The following GALNTL6 variants were observed in gnomAD, a reference collection of about 807,000 sequenced individuals.
GALNTL6 encodes the protein polypeptide N-acetylgalactosaminyltransferase-like 6.
In GALNTL6, 46 loss-of-function variants were observed where a neutral mutation model predicts 73.7. That is an observed-to-expected ratio of 0.62 (90% CI 0.49 to 0.80). The LOEUF (loss-of-function observed/expected upper bound fraction) is 0.80. GALNTL6 is among the 30% of genes least tolerant of loss of function. The pLI, the probability that GALNTL6 is intolerant of heterozygous loss-of-function variation, is 0.00. For missense variants in GALNTL6, 604 were observed against 755.0 expected, an observed-to-expected ratio of 0.80 and a Z score of 2.34; for synonymous variants, 259 against 263.7, an observed-to-expected ratio of 0.98 and a Z score of 0.17.
At chr4:172,199,593 G>A (rs567291862) in intron 2 of GALNTL6, among the ~76,000 whole-genome samples, 1 of 152,230 alleles carries the variant, frequency 6.6e-6, no homozygotes, top group African/African-American at 2.4e-5. Flanking sequence ...CACAACACAG[G>A]CATTGAATCA....
intron 2 of GALNTL6, among the ~76,000 whole-genome samples, chr4:172,138,622 C>T (rs1200623625): frequency 3.6e-5 from 5 of 140,734 alleles, no homozygotes; most frequent in South Asian, 4.8e-4. Flanking sequence ...CTCCACCTCC[C>T]GGGTTCACGC....
chr4:172,384,969 TTGTGTGTG>T (rs71655291), intron 5 of GALNTL6, among the ~76,000 whole-genome samples: 5 of 145,386 alleles, frequency 3.4e-5, no homozygotes, highest in African/African-American at 7.6e-5. Flanking sequence ...TGTTGTAATT[TTGTGTGTG>T]TGTGTGTGTG....
At chr4:172,223,965 A>G (rs967717754) in intron 2 of GALNTL6, among the ~76,000 whole-genome samples, 1 of 152,158 alleles carries the variant, frequency 6.6e-6, no homozygotes, top group Non-Finnish European at 1.5e-5. Context: ...CATGCCTAAT[A>G]CAAGAATCAT....
At chr4:172,043,119 C>T (rs1274297710) in intron 2 of GALNTL6, among the ~76,000 whole-genome samples, 1 of 151,910 alleles carries the variant, frequency 6.6e-6, no homozygotes, top group East Asian at 1.9e-4. Flanking sequence ...AAGCTTGTTT[C>T]CTTCTGCGCA....
At chr4:172,658,736 T>A (rs923256793) in intron 5 of GALNTL6, among the ~76,000 whole-genome samples, 1 of 152,192 alleles carries the variant, frequency 6.6e-6, no homozygotes, top group Non-Finnish European at 1.5e-5. Context: ...TTTTGTTTTA[T>A]GTATAAATGA....
chr4:172,139,846 C>T (rs556703562), intron 2 of GALNTL6, among the ~76,000 whole-genome samples: 1 of 152,096 alleles, frequency 6.6e-6, no homozygotes, highest in African/African-American at 2.4e-5. Context: ...TTTTTAAAGC[C>T]ACTTTGTTGT....
intron 5 of GALNTL6, among the ~76,000 whole-genome samples, chr4:172,753,613 A>C (rs1298577492): frequency 1.3e-5 from 2 of 152,190 alleles, no homozygotes. Context: ...ACACAATTTG[A>C]AACAGAAAAA....
intron 2 of GALNTL6, among the ~76,000 whole-genome samples, chr4:172,174,020 G>A (rs1226446423): frequency 1.3e-5 from 2 of 152,158 alleles, no homozygotes; most frequent in Non-Finnish European, 2.9e-5. Context: ...ATTTTAAGCA[G>A]GAAAATAACT....
At chr4:172,339,677 C>T (rs1741492053) in intron 4 of GALNTL6, among the ~76,000 whole-genome samples, 2 of 152,182 alleles carry the variant, frequency 1.3e-5, no homozygotes. Flanking sequence ...AGCCTCTCCC[C>T]AAGTTAGCTC....
chr4:171,882,775 C>A (rs1736486937), intron 2 of GALNTL6, among the ~76,000 whole-genome samples: 1 of 152,198 alleles, frequency 6.6e-6, no homozygotes, highest in African/African-American at 2.4e-5. Flanking sequence ...TTTGGCAACA[C>A]CCTCACAGCC....
At chr4:172,755,853 C>A (rs35280724) in intron 5 of GALNTL6, among the ~76,000 whole-genome samples, 67,955 of 151,994 alleles carry the variant, frequency 0.45, 17,635 homozygotes, top group East Asian at 0.68. Context: ...CTTGAATTCA[C>A]CATATTCATT....
intron 2 of GALNTL6, among the ~76,000 whole-genome samples, chr4:171,912,044 AAT>A (rs1737489121): frequency 6.6e-6 from 1 of 152,138 alleles, no homozygotes; most frequent in African/African-American, 2.4e-5. Flanking sequence ...TCTTCTGCTT[AAT>A]CTTAAAAATA....
In GALNTL6 at chr4:172,813,696, A is replaced by G. The variant is rs1217796764; in HGVS notation, c.896A>G (p.Gln299Arg). The G allele has an allele frequency of 6.2e-7, 1 of 1,608,346 alleles. No individual in the cohort carries two copies. The highest frequency in any genetic ancestry group is 8.5e-7 in the Non-Finnish European group (1 of 1,175,668). ...AGAATCCCCATCCCTCCAGAGCTCC[A>G]GAGGGCAGATCCCAGCGACCCTTTT... Reference protein sequence around the residue: ...YKRIPIPPELQRADPSDPFES... With the variant: ...YKRIPIPPELRRADPSDPFES... The change falls in exon 7 of 13, where the codon CAG becomes CGG. Residue 299 changes from glutamine (Q) to arginine (R), a missense_variant. Transcript: ENST00000506823.
At chr4:172,378,675 G>C (rs1051094240) in intron 5 of GALNTL6, among the ~76,000 whole-genome samples, 1 of 151,734 alleles carries the variant, frequency 6.6e-6, no homozygotes, top group Non-Finnish European at 1.5e-5. Context: ...TTTTATCCTA[G>C]AACTTTAATG....
intron 2 of GALNTL6, among the ~76,000 whole-genome samples, chr4:171,904,989 A>G (rs1476759915): frequency 6.6e-6 from 1 of 152,194 alleles, no homozygotes. Context: ...CAGCTCCTGA[A>G]GGAAGCGCTA....
At chr4:172,631,787 A>T (rs1739407850) in intron 5 of GALNTL6, among the ~76,000 whole-genome samples, 1 of 152,252 alleles carries the variant, frequency 6.6e-6, no homozygotes, top group Non-Finnish European at 1.5e-5. Context: ...TAAAAGGGAT[A>T]GGTAATTTAA....
At chr4:172,787,079 G>A (rs966382693) in intron 5 of GALNTL6, among the ~76,000 whole-genome samples, 2 of 152,106 alleles carry the variant, frequency 1.3e-5, no homozygotes, top group Admixed American at 6.5e-5. Context: ...CTATTTTCCA[G>A]AGAAAGTAAA....
intron 12 of GALNTL6, among the ~76,000 whole-genome samples, chr4:173,032,758 G>A (rs1267962401): frequency 1.3e-5 from 2 of 152,068 alleles, no homozygotes; most frequent in Non-Finnish European, 2.9e-5. Flanking sequence ...TAAGAATTTA[G>A]CTAAGAGAGT....
At chr4:172,405,437 ATATATATTTTTTTTTTT>A (rs1342314295) in intron 5 of GALNTL6, among the ~76,000 whole-genome samples, 23 of 2,808 alleles carry the variant, frequency 8.2e-3, no homozygotes, top group Non-Finnish European at 0.012. Flanking sequence ...ATATATATAT[ATATATATTTTTTTTTTT>A]TTTTTTTTTT....
Sources: allele counts gnomAD v4.1 joint callset (sites outside exome capture counted in the v4.1 genomes callset), GRCh38; gene constraint gnomAD v4.1.1; transcripts MANE v1.5; gene names NCBI Gene and HGNC (gene_info 2026-07-23, HGNC 2026-07-21).